The following SMARCC1 variants were observed in gnomAD, a reference collection of about 807,000 sequenced individuals.
SMARCC1 encodes the protein SWI/SNF related BAF chromatin remodeling complex subunit C1.
Under a neutral mutation model 147.4 loss-of-function variants are expected in SMARCC1, and 43 were observed. That is an observed-to-expected ratio of 0.29 (90% CI 0.23 to 0.38). The LOEUF (loss-of-function observed/expected upper bound fraction) is 0.38. SMARCC1 is among the 10% of genes least tolerant of loss of function. The pLI is 1.00. For synonymous variants in SMARCC1, 495 were observed against 484.4 expected (o/e 1.02, Z -0.29); for missense variants, 1,119 against 1,381.1 (o/e 0.81, Z 3.01).
chr3:47,641,954 G>T (rs992539777), intron 21 of SMARCC1, among the ~76,000 whole-genome samples: 1 of 152,010 alleles, frequency 6.6e-6, no homozygotes, highest in African/African-American at 2.4e-5. Flanking sequence ...TTTATTTTTT[G>T]ATAGAGATGG....
chr3:47,676,002 A>G (rs569432762), intron 17 of SMARCC1, among the ~76,000 whole-genome samples: 1 of 151,328 alleles, frequency 6.6e-6, no homozygotes, highest in East Asian at 1.9e-4. Flanking sequence ...GATTTCCTAC[A>G]AAAAACAATA....
chr3:47,656,925 C>T (rs1352789349), intron 21 of SMARCC1, among the ~76,000 whole-genome samples: 1 of 152,024 alleles, frequency 6.6e-6, no homozygotes, highest in African/African-American at 2.4e-5. Context: ...ATCTCAACAA[C>T]AACAACAACA....
chr3:47,738,279 C>T (rs1428215096), intron 3 of SMARCC1, among the ~76,000 whole-genome samples, 169 bp from the exon 4 acceptor site: 3 of 152,062 alleles, frequency 2.0e-5, no homozygotes, highest in Admixed American at 2.0e-4. Context: ...GTATCAACAC[C>T]CTTATAAAAG....
intron 21 of SMARCC1, among the ~76,000 whole-genome samples, chr3:47,641,766 T>C (rs546478192): frequency 2.6e-5 from 4 of 152,318 alleles, no homozygotes; most frequent in African/African-American, 9.6e-5. Context: ...ACATCACTTT[T>C]TAAAAATTAC....
In SMARCC1 at chr3:47,656,713, G is replaced by C. The variant is rs184274714; in HGVS notation, c.2320+4581C>G. ...GTGGATCACTTGAGCCAAGGAGTTC[G>C]AGACCAGCCAGGAAATATGGTGAAA... On this transcript the variant is annotated intron_variant, in intron 21 of 27. Transcript: ENST00000254480. Among the ~76,000 whole-genome samples, 303 of 152,150 alleles carry C rather than the reference G, an allele frequency of 2.0e-3. 3 individuals carry two copies. Among genetic ancestry groups the C allele is most frequent in the African/African-American group, 6.7e-3 (280 of 41,504 alleles).
intron 18 of SMARCC1, among the ~76,000 whole-genome samples, chr3:47,674,708 T>G (rs990097799): frequency 6.6e-6 from 1 of 152,168 alleles, no homozygotes; most frequent in African/African-American, 2.4e-5. Flanking sequence ...CAGACAACCC[T>G]ACTGCCCTGG....
Position 47,705,566 on chromosome 3 carries a change from C to T in SMARCC1, c.1040+843G>A, listed in dbSNP as rs1168279602. On this transcript the variant is annotated intron_variant, in intron 10 of 27. Transcript: ENST00000254480. ...CATAACTACCCTTCAGGAAATAATA[C>T]GATTCAAGGCATGTTCTGGGAACAG... Among the ~76,000 whole-genome samples the T allele has an allele frequency of 6.6e-5, 10 of 152,068 alleles. No individual in the cohort carries two copies. The South Asian group carries it at 1.7e-3, about 25-fold the overall frequency.
chr3:47,651,245 A>T (rs970361920), intron 21 of SMARCC1, among the ~76,000 whole-genome samples: 1 of 152,214 alleles, frequency 6.6e-6, no homozygotes, highest in Non-Finnish European at 1.5e-5. Context: ...CAGAGGTTGC[A>T]GTGAGCCAAG....
chr3:47,644,506 CTTTT>C (rs1291110410), intron 21 of SMARCC1, among the ~76,000 whole-genome samples: 6 of 152,110 alleles, frequency 3.9e-5, no homozygotes, highest in African/African-American at 1.2e-4. Context: ...AAAAGAAAAA[CTTTT>C]TTTGTTTGTT....
intron 6 of SMARCC1, 131 bp from the exon 7 acceptor site, chr3:47,720,866 G>T: frequency 1.4e-6 from 1 of 729,576 alleles, no homozygotes. Flanking sequence ...GCTGTTGCTG[G>T]TTTGGAAAGA....
At chr3:47,701,857 A>C (rs2033922203) in intron 10 of SMARCC1, among the ~76,000 whole-genome samples, 1 of 152,172 alleles carries the variant, frequency 6.6e-6, no homozygotes, top group South Asian at 2.1e-4. Context: ...AAAAAGAAAA[A>C]ATTAGATAAC....
At chr3:47,719,732 A>G (rs897713665) in intron 7 of SMARCC1, among the ~76,000 whole-genome samples, 2 of 151,644 alleles carry the variant, frequency 1.3e-5, no homozygotes, top group Non-Finnish European at 2.9e-5. Flanking sequence ...TAAACACTAG[A>G]AAAAAAATTA....
chr3:47,700,134 A>T (rs2033899013), intron 11 of SMARCC1, among the ~76,000 whole-genome samples: 1 of 152,042 alleles, frequency 6.6e-6, no homozygotes, highest in Non-Finnish European at 1.5e-5. Flanking sequence ...ATAACCAGAA[A>T]AGGTTCTAAT....
chr3:47,640,689 TAG>T (rs1256721481), intron 21 of SMARCC1, among the ~76,000 whole-genome samples: 2 of 152,112 alleles, frequency 1.3e-5, no homozygotes, highest in Non-Finnish European at 2.9e-5. Flanking sequence ...TAATATTTCC[TAG>T]AGAATAGAAA....
intron 13 of SMARCC1, among the ~76,000 whole-genome samples, chr3:47,688,248 G>A (rs561135775): frequency 2.0e-5 from 3 of 151,560 alleles, no homozygotes; most frequent in South Asian, 2.1e-4. Flanking sequence ...CAACAAGAGC[G>A]AAACTCCATC....
chr3:47,773,071 A>G (rs2034933966), intron 1 of SMARCC1, 135 bp from the exon 2 acceptor site: 3 of 634,470 alleles, frequency 4.7e-6, no homozygotes, highest in Non-Finnish European at 7.6e-6. Context: ...TGTGCTATAA[A>G]GGAGCTTACA....
intron 21 of SMARCC1, among the ~76,000 whole-genome samples, chr3:47,644,088 A>G (rs1039970218): frequency 1.3e-5 from 2 of 152,164 alleles, no homozygotes; most frequent in African/African-American, 4.8e-5. Context: ...AGGCCGAGGA[A>G]AAGGGACTGC....
chr3:47,780,011 T>C (rs985481994), intron 1 of SMARCC1, among the ~76,000 whole-genome samples: 2 of 152,174 alleles, frequency 1.3e-5, no homozygotes, highest in Admixed American at 6.6e-5. Context: ...ATCTACAGTC[T>C]AAATGTAATT....
chr3:47,759,890 T>C (rs1334673353), intron 2 of SMARCC1, among the ~76,000 whole-genome samples: 1 of 151,808 alleles, frequency 6.6e-6, no homozygotes, highest in African/African-American at 2.4e-5. Context: ...TGAGCTGAGA[T>C]CATGCCATTG....
Sources: gnomAD v4.1 joint callset for allele counts (sites outside exome capture counted in the v4.1 genomes callset) on GRCh38, gnomAD v4.1.1 for gene constraint, MANE v1.5 for transcripts, NCBI Gene and HGNC (gene_info 2026-07-23, HGNC 2026-07-21) for gene names.